Variants in CAMK1D observed in about 807,000 individuals in gnomAD.
The protein encoded by CAMK1D is calcium/calmodulin-dependent protein kinase type 1D.
Under a neutral mutation model 47.7 loss-of-function variants are expected in CAMK1D, and 9 were observed. The ratio of observed to expected loss-of-function variants is 0.19; its 90% CI spans 0.11 to 0.33. The LOEUF (loss-of-function observed/expected upper bound fraction) is 0.33, where lower values mean the gene tolerates loss of function less well. CAMK1D is among the 10% of genes least tolerant of loss of function. The pLI, the probability that CAMK1D is intolerant of heterozygous loss-of-function variation, is 1.00. For missense variants in CAMK1D, 291 were observed against 488.7 expected (o/e 0.60, Z 3.81); for synonymous variants, 184 against 184.9 (o/e 0.99, Z 0.04).
At chr10:12,654,239 G>C (rs1434151817) in intron 2 of CAMK1D, among the ~76,000 whole-genome samples, 1 of 152,230 alleles carries the variant, frequency 6.6e-6, no homozygotes, top group Non-Finnish European at 1.5e-5. Context: ...TACAGGAATA[G>C]CTTCTAAATT....
chr10:12,452,868 A>T (rs1833129804), intron 1 of CAMK1D, among the ~76,000 whole-genome samples: 1 of 152,042 alleles, frequency 6.6e-6, no homozygotes, highest in Non-Finnish European at 1.5e-5. Context: ...CGCCTGGCCC[A>T]TTTTGACTGT....
chr10:12,704,059 CGT>C (rs138352151), intron 3 of CAMK1D, among the ~76,000 whole-genome samples: 6 of 151,116 alleles, frequency 4.0e-5, no homozygotes, highest in Non-Finnish European at 4.4e-5. Context: ...CTGTTTGAAA[CGT>C]GTGTGTGTGT....
intron 5 of CAMK1D, among the ~76,000 whole-genome samples, chr10:12,774,789 C>T (rs1837206206): frequency 6.6e-6 from 1 of 152,190 alleles, no homozygotes; most frequent in Non-Finnish European, 1.5e-5. Context: ...TGATCTGTGC[C>T]CGCAAGAGAT....
intron 8 of CAMK1D, among the ~76,000 whole-genome samples, chr10:12,816,873 A>AAC (rs1832818373): frequency 1.1e-5 from 1 of 87,022 alleles, no homozygotes; most frequent in South Asian, 4.6e-4. Flanking sequence ...ACTCTGTCTC[A>AAC]AAAAAAAAAA....
At chr10:12,541,324 T>C (rs112723926) in intron 1 of CAMK1D, among the ~76,000 whole-genome samples, 21 of 152,298 alleles carry the variant, frequency 1.4e-4, no homozygotes, top group African/African-American at 4.6e-4. Flanking sequence ...ACATTGAACA[T>C]TGAGACCATT....
chr10:12,526,333 A>C (rs1339358950), intron 1 of CAMK1D, among the ~76,000 whole-genome samples: 1 of 152,170 alleles, frequency 6.6e-6, no homozygotes, highest in African/African-American at 2.4e-5. Flanking sequence ...TTGTAGTTTA[A>C]TTCTCGAAGC....
intron 4 of CAMK1D, 127 bp from the exon 5 acceptor site, chr10:12,769,546 C>A: frequency 1.0e-6 from 1 of 964,052 alleles, no homozygotes; most frequent in Non-Finnish European, 1.5e-6. Context: ...TTAGTTGATG[C>A]ATCTACTGTG....
intron 1 of CAMK1D, among the ~76,000 whole-genome samples, chr10:12,498,308 CCAAA>C (rs1834602044): frequency 6.6e-6 from 1 of 152,300 alleles, no homozygotes; most frequent in African/African-American, 2.4e-5. Context: ...ACCTGGGGCT[CCAAA>C]CAGAGGGCCT....
At chr10:12,468,270 C>T (rs1833649942) in intron 1 of CAMK1D, among the ~76,000 whole-genome samples, 1 of 152,182 alleles carries the variant, frequency 6.6e-6, no homozygotes, top group Non-Finnish European at 1.5e-5. Context: ...GTTGCCCAGG[C>T]TGGCTCATCT....
At chr10:12,814,395 G>T in intron 7 of CAMK1D, 88 bp downstream of exon 7, 1 of 789,054 alleles carries the variant, frequency 1.3e-6, no homozygotes, top group East Asian at 2.5e-5. Context: ...AGGGGACCCT[G>T]GGGGGCTCAG....
chr10:12,545,971 T>C (rs1836356626), intron 1 of CAMK1D, among the ~76,000 whole-genome samples: 1 of 152,192 alleles, frequency 6.6e-6, no homozygotes, highest in South Asian at 2.1e-4. Context: ...TGAGCTGACA[T>C]GTGTACGGCG....
intron 3 of CAMK1D, among the ~76,000 whole-genome samples, chr10:12,739,054 TG>T (rs1467441256): frequency 2.0e-5 from 3 of 151,548 alleles, no homozygotes; most frequent in African/African-American, 7.3e-5. Context: ...TTGGACAACA[TG>T]GGGAAACCTC....
At chr10:12,380,367 G>A (rs1039766813) in intron 1 of CAMK1D, among the ~76,000 whole-genome samples, 18 of 152,144 alleles carry the variant, frequency 1.2e-4, no homozygotes, top group Non-Finnish European at 2.9e-5. Context: ...GGTTTTTAAG[G>A]CTACAAGGAA....
chr10:12,502,586 C>G (rs1215043145), intron 1 of CAMK1D, among the ~76,000 whole-genome samples: 2 of 152,234 alleles, frequency 1.3e-5, no homozygotes, highest in Non-Finnish European at 2.9e-5. Flanking sequence ...CACTGTCACA[C>G]ACACTTCACC....
intron 2 of CAMK1D, among the ~76,000 whole-genome samples, chr10:12,642,358 G>A (rs937812317): frequency 6.6e-4 from 100 of 152,320 alleles, no homozygotes; most frequent in African/African-American, 2.4e-3. Flanking sequence ...ATCGTTGACT[G>A]TCCTTGTAGA....
At chr10:12,685,217 C>T (rs1283722633) in intron 3 of CAMK1D, among the ~76,000 whole-genome samples, 1 of 152,228 alleles carries the variant, frequency 6.6e-6, no homozygotes, top group Non-Finnish European at 1.5e-5. Flanking sequence ...AGGAGAAACA[C>T]TTGAACCGGA....
intron 1 of CAMK1D, among the ~76,000 whole-genome samples, chr10:12,513,345 C>T (rs898387349): frequency 5.9e-5 from 9 of 152,142 alleles, no homozygotes; most frequent in Admixed American, 1.3e-4. Context: ...GGGAGCAAAG[C>T]AACACTGTTG....
In CAMK1D at chr10:12,811,577, C is replaced by A. The variant is rs117150715; in HGVS notation, c.642-2618C>A. On this transcript the variant is annotated intron_variant, in intron 6 of 10. Coordinates refer to ENST00000619168, the MANE Select transcript of CAMK1D (RefSeq NM_153498.4). ...CACATAAACACAATATCCTATAATA[C>A]AAAAACACGGAAAGAAAAAAGAGCT... Among the ~76,000 whole-genome samples, 368 of 152,206 alleles carry A rather than the reference C, an allele frequency of 2.4e-3. 3 individuals carry two copies. The highest frequency in any genetic ancestry group is 0.019 in the East Asian group (101 of 5,180).
intron 1 of CAMK1D, among the ~76,000 whole-genome samples, 179 bp from the exon 2 acceptor site, chr10:12,553,046 C>T (rs2132272197): frequency 6.6e-6 from 1 of 152,254 alleles, no homozygotes; most frequent in East Asian, 1.9e-4. Flanking sequence ...CCGGGCTGCC[C>T]CTGTGTATTT....
Sources: gnomAD v4.1 joint callset for allele counts (sites outside exome capture counted in the v4.1 genomes callset) on GRCh38, gnomAD v4.1.1 for gene constraint, MANE v1.5 for transcripts, NCBI Gene and HGNC (gene_info 2026-07-23, HGNC 2026-07-21) for gene names.